DPP9: variants seen among roughly 807,000 people sequenced by gnomAD.
The protein encoded by DPP9 is dipeptidyl peptidase IV-related protein-2.
Under a neutral mutation model 110.7 loss-of-function variants are expected in DPP9, and 50 were observed. The ratio of observed to expected loss-of-function variants is 0.45; its 90% CI spans 0.36 to 0.57. The LOEUF is 0.57. DPP9 is among the 20% of genes least tolerant of loss of function. The pLI is 0.00. For synonymous variants in DPP9, 561 were observed against 514.4 expected, an observed-to-expected ratio of 1.09 and a Z score of -1.23; for missense variants, 1,022 against 1,217.9, an observed-to-expected ratio of 0.84 and a Z score of 2.39.
intron 3 of DPP9, among the ~76,000 whole-genome samples, chr19:4,717,106 T>C (rs1030308205): frequency 2.6e-5 from 4 of 152,156 alleles, no homozygotes; most frequent in African/African-American, 7.2e-5. Flanking sequence ...CAGGGGAAAA[T>C]GCTTCCCTTG....
chr19:4,683,854 G>A, intron 18 of DPP9: 1 of 1,519,702 alleles, frequency 6.6e-7, no homozygotes, highest in African/African-American at 1.4e-5. Context: ...AGTGGCTCTG[G>A]GAGCCACGTC....
rs1292211191 is a variant in DPP9 at position 4,685,781 on chromosome 19, A to T, written c.1886-10T>A. 1 of 1,611,496 alleles carries T rather than the reference A, an allele frequency of 6.2e-7. No individual in the cohort carries two copies. The highest frequency in any genetic ancestry group is 8.5e-7 in the Non-Finnish European group (1 of 1,179,474). ...TAATCCGGGGGGCAGCCTGCGGGAGACAGGGCGGCTATCTGGCTGCCCGGG... is the reference window on the plus strand; with the variant it reads ...TAATCCGGGGGGCAGCCTGCGGGAGTCAGGGCGGCTATCTGGCTGCCCGGG... On this transcript the variant is annotated splice_polypyrimidine_tract_variant and intron_variant, in intron 16 of 21. Transcript: ENST00000262960. This position sits in a 1 kb window ranked among gnomAD's most constrained non-coding sequence, Gnocchi z 5.8.
At position 4,676,778 on chromosome 19, in the gene DPP9, T is replaced by C; in HGVS notation, c.2587-122A>G. The C allele has an allele frequency of 1.3e-6, 1 of 760,644 alleles. No individual in the cohort carries two copies. The highest frequency in any genetic ancestry group is 2.2e-6 in the Non-Finnish European group (1 of 447,582). 47.1% of individuals were successfully genotyped at this position (760,644 alleles called of 1,614,324 possible). On this transcript the variant is annotated intron_variant, in intron 21 of 21. Transcript: ENST00000262960. The surrounding 1 kb of genome is among the most constrained non-coding windows in gnomAD (Gnocchi z 4.0). ...GCAGGTGCTCTGAGGCCCAGTGATC[T>C]GGGTTTGAATCCCACCTCGGCTGTT...
chr19:4,677,416 C>A (rs2145231810), intron 21 of DPP9, among the ~76,000 whole-genome samples: 1 of 152,302 alleles, frequency 6.6e-6, no homozygotes, highest in Non-Finnish European at 1.5e-5. Context: ...GGTGGCCCAT[C>A]TACGCCACCT....
Position 4,687,382 on chromosome 19 carries a change from G to GC in DPP9, c.1885+1374_1885+1375insG, listed in dbSNP as rs1385469139. 1.3e-5 allele frequency among the ~76,000 whole-genome samples: 2 copies of GC among 152,186 alleles called. No individual in the cohort carries two copies. Among genetic ancestry groups the GC allele is most frequent in the African/African-American group, 4.8e-5 (2 of 41,440 alleles). On this transcript the variant is annotated intron_variant, in intron 16 of 21. Coordinates refer to ENST00000262960, the MANE Select transcript of DPP9 (RefSeq NM_139159.5). This position sits in a 1 kb window ranked among gnomAD's most constrained non-coding sequence, Gnocchi z 4.7. ...AGCCCAGCAGTGTGCTGACCCGCTG[G>GC]TTTTCATCCCACACTCTGTATATAC...
In DPP9 at chr19:4,687,149, G is replaced by A. The variant is rs369694786; in HGVS notation, c.1886-1378C>T. Among the ~76,000 whole-genome samples the A allele has an allele frequency of 2.5e-4, 38 of 152,256 alleles. No individual in the cohort carries two copies. The East Asian group carries it at 5.2e-3, about 21-fold the overall frequency. ...CAGGGCTCCAGCTCCTGGCGGTGTC[G>A]GTGCGGACAGGAGAGTGAGGACTGG... On this transcript the variant is annotated intron_variant, in intron 16 of 21. Coordinates refer to ENST00000262960, the MANE Select transcript of DPP9 (RefSeq NM_139159.5). The surrounding 1 kb of genome is among the most constrained non-coding windows in gnomAD (Gnocchi z 4.7).
Position 4,682,992 on chromosome 19 carries a change from C to T in DPP9, c.2332-154G>A, listed in dbSNP as rs910335402. 30 of 1,530,126 alleles carry T rather than the reference C, an allele frequency of 2.0e-5. 1 individual carries two copies. Among genetic ancestry groups the T allele is most frequent in the Middle Eastern group, 3.8e-4 (2 of 5,254 alleles). 94.8% of individuals were successfully genotyped at this position (1,530,126 alleles called of 1,614,324 possible). A position where few individuals can be genotyped will look rare whatever the true frequency, so the allele number is the denominator to read the frequency against. ...CGGCAAGGAAGGGGCCCTCAGACCGCGTGGCCCCCGTGGACGGTGCGTGGC... is the reference window on the plus strand; with the variant it reads ...CGGCAAGGAAGGGGCCCTCAGACCGTGTGGCCCCCGTGGACGGTGCGTGGC... On this transcript the variant is annotated intron_variant, in intron 19 of 21. Transcript: ENST00000262960. This position sits in a 1 kb window ranked among gnomAD's most constrained non-coding sequence, Gnocchi z 7.1.
Position 4,682,794 on chromosome 19 carries a change from G to A in DPP9, c.2376C>T (p.Asp792=). 1 of 1,598,596 alleles carries A rather than the reference G, an allele frequency of 6.3e-7. No homozygotes were observed. Among genetic ancestry groups the A allele is most frequent in the South Asian group, 1.1e-5 (1 of 88,476 alleles). Residue 792 remains aspartate, a synonymous_variant, in exon 20 of 22, where the codon GAC becomes GAT. Transcript: ENST00000262960. The surrounding 1 kb of genome is among the most constrained non-coding windows in gnomAD (Gnocchi z 7.1). ...CCATGTAGCGCTCAGTGTACCCTGT[G>A]TCGTAGGCCATCCAGACGGTGACCG... The part of the protein sequence containing the change: ...GAPVTVWMAY[D]TGYTERYMDV...
At chr19:4,702,334 T>C (rs2092314163) in intron 8 of DPP9, among the ~76,000 whole-genome samples, 179 bp from the exon 9 acceptor site, 1 of 152,168 alleles carries the variant, frequency 6.6e-6, no homozygotes, top group Non-Finnish European at 1.5e-5. Context: ...GGCTTCAGTT[T>C]CCTCCCCTGT....
At chr19:4,713,039 C>G (rs2092907718) in intron 4 of DPP9, among the ~76,000 whole-genome samples, 3 of 152,226 alleles carry the variant, frequency 2.0e-5, no homozygotes, top group Non-Finnish European at 4.4e-5. Context: ...CCAAGGAACA[C>G]TTGGCGATGT....
intron 21 of DPP9, chr19:4,679,284 C>A (rs1376101625): frequency 4.5e-5 from 7 of 155,322 alleles, no homozygotes; most frequent in African/African-American, 1.7e-4. Context: ...ATGCCCACCC[C>A]TTAGCGCAGA....
intron 10 of DPP9, 133 bp from the exon 11 acceptor site, chr19:4,697,784 G>A (rs2091925934): frequency 4.4e-6 from 3 of 675,564 alleles, no homozygotes; most frequent in Non-Finnish European, 7.5e-6. Flanking sequence ...CAGAACCCCA[G>A]AACGCAACCT....
chr19:4,681,397 C>T (rs1050251097), intron 20 of DPP9, among the ~76,000 whole-genome samples: 1 of 150,784 alleles, frequency 6.6e-6, no homozygotes, highest in Admixed American at 6.6e-5. Context: ...CTCACTGCGA[C>T]CTCACCCTTC....
At chr19:4,697,754 T>G in intron 10 of DPP9, 103 bp from the exon 11 acceptor site, 1 of 878,380 alleles carries the variant, frequency 1.1e-6, no homozygotes, top group Non-Finnish European at 1.8e-6. Context: ...CCCAAATTCA[T>G]ATGCTGGAGT....
chr19:4,701,305 A>G (rs921892753), intron 9 of DPP9, among the ~76,000 whole-genome samples: 3 of 152,174 alleles, frequency 2.0e-5, no homozygotes, highest in Admixed American at 6.6e-5. Context: ...CCATCTCTAC[A>G]GAAAATTTAA....
chr19:4,679,593 C>T, intron 21 of DPP9: 2 of 532,318 alleles, frequency 3.8e-6, no homozygotes, highest in Non-Finnish European at 6.8e-6. Flanking sequence ...TGGCAGCCCC[C>T]GATCCCGTGC....
intron 3 of DPP9, among the ~76,000 whole-genome samples, chr19:4,717,387 A>C (rs2093129639): frequency 6.6e-6 from 1 of 152,078 alleles, no homozygotes; most frequent in South Asian, 2.1e-4. Context: ...TGCCCCAAGC[A>C]CTGCTGGCAG....
Position 4,689,630 on chromosome 19 carries a change from C to G in DPP9, c.1689G>C (p.Ala563=), listed in dbSNP as rs763720292. 3 of 1,570,658 alleles carry G rather than the reference C, an allele frequency of 1.9e-6. No homozygotes were observed. Among genetic ancestry groups the G allele is most frequent in the East Asian group, 4.7e-5 (2 of 42,278 alleles). The change falls in exon 15 of 22, where the codon GCG becomes GCC. Residue 563 remains alanine, a synonymous_variant. Transcript: ENST00000262960. The surrounding 1 kb of genome is among the most constrained non-coding windows in gnomAD (Gnocchi z 7.0). ...EHHLYVVSYE[A]AGEIVRLTTP... is the part of the protein sequence containing the mutation. Reference sequence around the variant, plus strand: ...TGGTGAGGCGTACGATCTCGCCGGCCGCCTCATAGCTGACCACGTAGAGGT... The same window carrying G: ...TGGTGAGGCGTACGATCTCGCCGGCGGCCTCATAGCTGACCACGTAGAGGT...
At chr19:4,706,831 G>A (rs901854960) in intron 4 of DPP9, among the ~76,000 whole-genome samples, 3 of 152,148 alleles carry the variant, frequency 2.0e-5, no homozygotes, top group Non-Finnish European at 2.9e-5. Flanking sequence ...AGGGAATGGG[G>A]AAGCGTGCAC....
Sources: gnomAD v4.1 joint callset for allele counts (sites outside exome capture counted in the v4.1 genomes callset) on GRCh38, gnomAD v4.1.1 for gene constraint, Gnocchi (gnomAD v3.1) non-coding constraint, MANE v1.5 for transcripts, NCBI Gene and HGNC (gene_info 2026-07-23, HGNC 2026-07-21) for gene names.